Variants in EIF3H observed in about 807,000 individuals in gnomAD.
The protein encoded by EIF3H is eukaryotic translation initiation factor 3 subunit H, also known as eIF-3-gamma.
Under a neutral mutation model 44.2 loss-of-function variants are expected in EIF3H, and 26 were observed. The observed-to-expected ratio is 0.59, with a 90% CI of 0.43 to 0.82. The LOEUF is 0.82. EIF3H is among the 40% of genes least tolerant of loss of function. EIF3H has a pLI of 0.00. For missense variants in EIF3H, 359 were observed against 432.8 expected (o/e 0.83, Z 1.51); for synonymous variants, 166 against 151.9 (o/e 1.09, Z -0.68).
chr8:116,679,768 T>G (rs1309018605), intron 2 of EIF3H, among the ~76,000 whole-genome samples: 1 of 7,362 alleles, frequency 1.4e-4, no homozygotes, highest in Non-Finnish European at 3.2e-4. Context: ...GGTGGGGGGG[T>G]CAGCCCCCCG....
intron 2 of EIF3H, among the ~76,000 whole-genome samples, chr8:116,697,856 G>C (rs1289903999): frequency 1.3e-5 from 2 of 152,142 alleles, no homozygotes; most frequent in Non-Finnish European, 2.9e-5. Context: ...ATGCTTTAGT[G>C]GGGGGCATAC....
At chr8:116,752,736 A>AAAGAAAG (rs1435243692) in intron 1 of EIF3H, among the ~76,000 whole-genome samples, 1 of 87,070 alleles carries the variant, frequency 1.1e-5, no homozygotes, top group Non-Finnish European at 2.3e-5. Flanking sequence ...AAGAAAGAAG[A>AAAGAAAG]GAAAGAAAGA....
chr8:116,743,930 T>C (rs967172481), intron 1 of EIF3H, among the ~76,000 whole-genome samples: 4 of 151,756 alleles, frequency 2.6e-5, no homozygotes, highest in East Asian at 1.9e-4. Flanking sequence ...CAGCTGTCCA[T>C]TGAGAAGATA....
intron 2 of EIF3H, 100 bp downstream of exon 2, chr8:116,725,916 A>G: frequency 7.2e-7 from 1 of 1,385,836 alleles, no homozygotes; most frequent in South Asian, 1.6e-5. Context: ...GGCTAGCCTG[A>G]CAGATTCCCA....
chr8:116,759,766 G>A (rs558591784), upstream of EIF3H, among the ~76,000 whole-genome samples: 2 of 152,094 alleles, frequency 1.3e-5, no homozygotes, highest in South Asian at 4.2e-4. Context: ...GTCTTACTTT[G>A]TTGCCCAGGC....
chr8:116,702,856 G>A (rs976928705), intron 2 of EIF3H, among the ~76,000 whole-genome samples: 1 of 152,140 alleles, frequency 6.6e-6, no homozygotes, highest in African/African-American at 2.4e-5. Context: ...TTTCCTGGAG[G>A]ACAATTTTTC....
intron 1 of EIF3H, among the ~76,000 whole-genome samples, chr8:116,753,250 T>A (rs1218901088): frequency 6.6e-6 from 1 of 152,098 alleles, no homozygotes; most frequent in Non-Finnish European, 1.5e-5. Flanking sequence ...ACCCAACCGA[T>A]GGAGAACAAA....
At chr8:116,657,927 C>T (rs1425494311) in intron 3 of EIF3H, among the ~76,000 whole-genome samples, 2 of 152,216 alleles carry the variant, frequency 1.3e-5, no homozygotes, top group African/African-American at 4.8e-5. Context: ...ATGATAACGG[C>T]TCTGGCATGC....
chr8:116,651,734 C>T (rs1375583367), intron 5 of EIF3H, among the ~76,000 whole-genome samples: 1 of 152,148 alleles, frequency 6.6e-6, no homozygotes, highest in African/African-American at 2.4e-5. Context: ...ACCCTAATTT[C>T]TAAATAGTTG....
At chr8:116,680,038 G>T (rs1474202237) in intron 2 of EIF3H, among the ~76,000 whole-genome samples, 1 of 24,082 alleles carries the variant, frequency 4.2e-5, no homozygotes, top group Non-Finnish European at 1.2e-4. Context: ...AGGGAGGCGG[G>T]GGGGGGGTCG....
chr8:116,666,320 C>T (rs1214942089), intron 2 of EIF3H, among the ~76,000 whole-genome samples: 3 of 152,040 alleles, frequency 2.0e-5, no homozygotes, highest in Admixed American at 6.5e-5. Flanking sequence ...AAAACTAGTA[C>T]GAACTTTGAC....
At chr8:116,740,780 CAG>C (rs911988228) in intron 1 of EIF3H, among the ~76,000 whole-genome samples, 3 of 152,200 alleles carry the variant, frequency 2.0e-5, no homozygotes, top group African/African-American at 7.2e-5. Flanking sequence ...TCTACACAAA[CAG>C]AAAAATCCTA....
At chr8:116,703,372 C>CG (rs761746676) in intron 2 of EIF3H, among the ~76,000 whole-genome samples, 2 of 151,334 alleles carry the variant, frequency 1.3e-5, no homozygotes, top group African/African-American at 4.9e-5. Flanking sequence ...TCCCTTTCCC[C>CG]GGGGGAGTTA....
At chr8:116,725,331 A>C (rs893016290) in intron 2 of EIF3H, among the ~76,000 whole-genome samples, 1 of 152,222 alleles carries the variant, frequency 6.6e-6, no homozygotes. Flanking sequence ...GCAAGATGAA[A>C]TAGTTCTAGA....
intron 2 of EIF3H, chr8:116,697,354 C>T (rs1473339362): frequency 8.1e-6 from 3 of 368,344 alleles, no homozygotes; most frequent in Non-Finnish European, 1.6e-5. Context: ...AGAACTATTG[C>T]TGCTTTCACC....
intron 2 of EIF3H, among the ~76,000 whole-genome samples, chr8:116,688,590 A>G (rs1225336476): frequency 6.6e-6 from 1 of 152,164 alleles, no homozygotes; most frequent in East Asian, 1.9e-4. Context: ...AGAACTACAG[A>G]AAACTGAGTT....
intron 2 of EIF3H, among the ~76,000 whole-genome samples, chr8:116,682,098 G>A (rs73701456): frequency 0.028 from 4,330 of 152,214 alleles, 198 homozygotes; most frequent in African/African-American, 0.1. Flanking sequence ...TAAAAGCAGC[G>A]TCCATCCACT....
chr8:116,661,620 A>G (rs1280084430), intron 2 of EIF3H, among the ~76,000 whole-genome samples: 2 of 152,340 alleles, frequency 1.3e-5, no homozygotes, highest in African/African-American at 2.4e-5. Context: ...TCTATTAGCT[A>G]AAGGGGCCTC....
In EIF3H at chr8:116,680,526, T is replaced by TC. The variant is rs1287059819; in HGVS notation, c.290-21547dup. Among the ~76,000 whole-genome samples, 69 of 83,056 alleles carry TC rather than the reference T, an allele frequency of 8.3e-4. No individual in the cohort carries two copies. In the East Asian group the frequency reaches 0.016, roughly 19 times the overall value. The allele number at this position is 83,056 out of a possible 152,430, so 54.5% of individuals were successfully genotyped here. On this transcript the variant is annotated intron_variant, in intron 2 of 7. Coordinates refer to ENST00000521861, the MANE Select transcript of EIF3H (RefSeq NM_003756.3). Reference sequence around the variant, plus strand: ...GGGATCCTGTTGATCTGTGACCTTATCCCCAACCCTGTGCTCTCTGAAACA... The same window carrying TC: ...GGGATCCTGTTGATCTGTGACCTTATCCCCCAACCCTGTGCTCTCTGAAACA...
Sources: allele counts gnomAD v4.1 joint callset (sites outside exome capture counted in the v4.1 genomes callset), GRCh38; gene constraint gnomAD v4.1.1; transcripts MANE v1.5; gene names NCBI Gene and HGNC (gene_info 2026-07-23, HGNC 2026-07-21).